The following MAP4K4 variants were observed in gnomAD, a reference collection of about 807,000 sequenced individuals.
MAP4K4 encodes the protein HPK/GCK-like kinase HGK.
Under a neutral mutation model 189.6 loss-of-function variants are expected in MAP4K4, and 38 were observed. The observed-to-expected ratio is 0.20, with a 90% CI of 0.15 to 0.26. The LOEUF (loss-of-function observed/expected upper bound fraction) is 0.26. MAP4K4 is among the 10% of genes least tolerant of loss of function. The pLI, the probability that MAP4K4 is intolerant of heterozygous loss-of-function variation, is 1.00. For synonymous variants in MAP4K4, 610 were observed against 624.3 expected, an observed-to-expected ratio of 0.98 and a Z score of 0.34; for missense variants, 1,054 against 1,726.9, an observed-to-expected ratio of 0.61 and a Z score of 6.91.
rs143751891 is a variant in MAP4K4 at position 101,794,209 on chromosome 2, T to C, written c.180+3433T>C. 6.7e-3 allele frequency among the ~76,000 whole-genome samples: 1,014 copies of C among 152,304 alleles called. 11 individuals carry two copies. The highest frequency in any genetic ancestry group is 0.024 in the African/African-American group (981 of 41,576). ...TTGTTTTTGTTTTTGTTTTAAATAA[T>C]GACAGAGGATTTGCAGAAAAATGTA... On this transcript the variant is annotated intron_variant, in intron 3 of 32. Coordinates refer to ENST00000324219, the Ensembl canonical transcript of MAP4K4.
rs1249541422 is a variant in MAP4K4 at position 101,739,895 on chromosome 2, G to A, written c.123+41357G>A. On this transcript the variant is annotated intron_variant, in intron 2 of 32. Transcript: ENST00000324219. ...GACGGACTTTATAAATCTTTTGTTAGTAGGGCAGTCACTCTCTCATCTCAC... is the reference window on the plus strand; with the variant it reads ...GACGGACTTTATAAATCTTTTGTTAATAGGGCAGTCACTCTCTCATCTCAC... Among the ~76,000 whole-genome samples the A allele has an allele frequency of 1.1e-4, 17 of 152,262 alleles. No homozygotes were observed. The East Asian group carries it at 3.1e-3, about 28-fold the overall frequency.
At chr2:101,778,466 G>T (rs1412306455) in intron 2 of MAP4K4, among the ~76,000 whole-genome samples, 2 of 151,994 alleles carry the variant, frequency 1.3e-5, no homozygotes, top group Non-Finnish European at 2.9e-5. Context: ...ACACAGGGTG[G>T]ACAGCATGCA....
At chr2:101,718,498 T>A (rs2049777031) in intron 2 of MAP4K4, among the ~76,000 whole-genome samples, 1 of 149,198 alleles carries the variant, frequency 6.7e-6, no homozygotes, top group African/African-American at 2.5e-5. Context: ...GTTTGGTTGG[T>A]AGGTAAGATG....
intron 22 of MAP4K4, 163 bp downstream of exon 22, chr2:101,869,960 T>C (rs1021820382): frequency 1.3e-5 from 12 of 908,240 alleles, no homozygotes; most frequent in Admixed American, 3.2e-5. Context: ...CTTCTCTTCG[T>C]TGGTGTGTGC....
intron 27 of MAP4K4, among the ~76,000 whole-genome samples, chr2:101,879,586 T>C (rs1397399638): frequency 6.6e-6 from 1 of 152,226 alleles, no homozygotes; most frequent in Non-Finnish European, 1.5e-5. Context: ...AAGTATGATA[T>C]ACAGAGAAAG....
rs547795170 is a variant in MAP4K4, at chr2:101,723,425, C to G, written c.123+24887C>G. Among the ~76,000 whole-genome samples the G allele has an allele frequency of 1.6e-4, 24 of 152,276 alleles. No homozygotes were observed. The East Asian group carries it at 4.6e-3, about 29-fold the overall frequency. Reference sequence around the variant, plus strand: ...ACATGGTAAGGGTAAGAAAAATAGGCTTTGGATAAGCAGAGACGGTAGATA... The same window carrying G: ...ACATGGTAAGGGTAAGAAAAATAGGGTTTGGATAAGCAGAGACGGTAGATA... On this transcript the variant is annotated intron_variant, in intron 2 of 32. Transcript: ENST00000324219.
chr2:101,700,677 A>C (rs1385867006), intron 2 of MAP4K4, among the ~76,000 whole-genome samples: 1 of 152,116 alleles, frequency 6.6e-6, no homozygotes, highest in Non-Finnish European at 1.5e-5. Flanking sequence ...AATACTTTAG[A>C]ATGTTTCTTT....
intron 2 of MAP4K4, among the ~76,000 whole-genome samples, chr2:101,738,344 G>T (rs1316354222): frequency 1.3e-5 from 2 of 152,084 alleles, no homozygotes; most frequent in Non-Finnish European, 2.9e-5. Flanking sequence ...CAACCTGAGG[G>T]GTAAAACAGT....
chr2:101,854,557 C>T (rs1466686967), intron 12 of MAP4K4, among the ~76,000 whole-genome samples: 1 of 152,194 alleles, frequency 6.6e-6, no homozygotes, highest in African/African-American at 2.4e-5. Flanking sequence ...ACCAAATCAT[C>T]GTTGCTATCC....
At chr2:101,873,056 C>T (rs2098097004) in intron 24 of MAP4K4, among the ~76,000 whole-genome samples, 1 of 152,166 alleles carries the variant, frequency 6.6e-6, no homozygotes, top group African/African-American at 2.4e-5. Flanking sequence ...AACACTAGTG[C>T]TCCTAAAAGA....
chr2:101,821,328 A>G (rs890812595), intron 3 of MAP4K4, among the ~76,000 whole-genome samples: 1 of 152,152 alleles, frequency 6.6e-6, no homozygotes. Context: ...GTTCTCAGAA[A>G]TGCATCATTC....
intron 4 of MAP4K4, among the ~76,000 whole-genome samples, chr2:101,824,873 C>A (rs60397745): frequency 0.016 from 2,448 of 152,086 alleles, 75 homozygotes; most frequent in African/African-American, 0.056. Context: ...CTTAAAAATA[C>A]CATTTTTTAT....
chr2:101,781,020 C>T (rs753159969), intron 2 of MAP4K4, among the ~76,000 whole-genome samples: 35 of 152,276 alleles, frequency 2.3e-4, no homozygotes, highest in Non-Finnish European at 4.4e-4. Context: ...AGAGCAGCTG[C>T]GTATGTGTAG....
chr2:101,881,770 T>C (rs899872200), intron 27 of MAP4K4, among the ~76,000 whole-genome samples: 3 of 152,192 alleles, frequency 2.0e-5, no homozygotes, highest in Non-Finnish European at 4.4e-5. Flanking sequence ...TTTTTCTGCA[T>C]CTGTTGATAT....
chr2:101,742,258 A>G (rs2063167515), intron 2 of MAP4K4, among the ~76,000 whole-genome samples: 1 of 152,226 alleles, frequency 6.6e-6, no homozygotes. Context: ...AGGCAGGTAC[A>G]GGCAGGTTCT....
At chr2:101,791,990 T>G (rs962216913) in intron 3 of MAP4K4, among the ~76,000 whole-genome samples, 5 of 152,242 alleles carry the variant, frequency 3.3e-5, no homozygotes, top group Non-Finnish European at 7.3e-5. Context: ...TGTATTATAG[T>G]GATCCTATCT....
intron 2 of MAP4K4, among the ~76,000 whole-genome samples, chr2:101,700,010 T>A (rs2037391203): frequency 6.6e-6 from 1 of 152,184 alleles, no homozygotes; most frequent in South Asian, 2.1e-4. Context: ...CACCAGTCAT[T>A]TTTTTTCTAA....
intron 2 of MAP4K4, among the ~76,000 whole-genome samples, chr2:101,718,063 C>T (rs570345940): frequency 1.3e-5 from 2 of 152,136 alleles, no homozygotes; most frequent in Middle Eastern, 3.4e-3. Context: ...TCGAGACCAG[C>T]CTGACCAACA....
intron 2 of MAP4K4, among the ~76,000 whole-genome samples, chr2:101,746,698 A>T (rs2065768945): frequency 6.6e-6 from 1 of 152,172 alleles, no homozygotes; most frequent in South Asian, 2.1e-4. Flanking sequence ...TTAAAACTAA[A>T]TTACATTTCG....
Sources: allele counts gnomAD v4.1 joint callset (sites outside exome capture counted in the v4.1 genomes callset), GRCh38; gene constraint gnomAD v4.1.1; transcripts MANE v1.5; gene names NCBI Gene and HGNC (gene_info 2026-07-23, HGNC 2026-07-21).